The following UNC79 variants were observed in gnomAD, a reference collection of about 807,000 sequenced individuals.
UNC79 encodes unc-79 subunit of NALCN channel complex.
A neutral mutation model predicts 283.1 loss-of-function variants in UNC79; 37 were observed. The observed-to-expected ratio is 0.13, with a 90% CI of 0.10 to 0.17. The LOEUF is 0.17. UNC79 is among the 10% of genes least tolerant of loss of function. The pLI, the probability that UNC79 is intolerant of heterozygous loss-of-function variation, is 1.00. For missense variants in UNC79, 2,272 were observed against 3,211.1 expected (o/e 0.71, Z 7.07); for synonymous variants, 1,107 against 1,200.2 (o/e 0.92, Z 1.61).
chr14:93,488,064 C>T (rs1303813174), intron 5 of UNC79, among the ~76,000 whole-genome samples: 1 of 152,110 alleles, frequency 6.6e-6, no homozygotes, highest in Non-Finnish European at 1.5e-5. Context: ...CAAAAGATAA[C>T]CACTGTTAAT....
In UNC79 at chr14:93,401,997, G is replaced by T. The variant is rs555251827; in HGVS notation, c.-350-65674G>T. Among the ~76,000 whole-genome samples the T allele has an allele frequency of 2.6e-5, 4 of 152,222 alleles. No individual in the cohort carries two copies. In the East Asian group the frequency reaches 7.7e-4, roughly 29 times the overall value. ...TGTAATGGTAAGAAATACAGCATAG[G>T]CCGGGTATGGTGGCTCATGCCTGTA... On this transcript the variant is annotated intron_variant, in intron 1 of 49. Transcript: ENST00000256339.
rs79761385 is a variant in UNC79 at position 93,374,850 on chromosome 14, A to T, written c.-351+41327A>T. ...GTGTGAGCCACCATACTCGGCCTCCATTGTATCTTGAAAGTAGAAAAGTTG... is the reference window on the plus strand; with the variant it reads ...GTGTGAGCCACCATACTCGGCCTCCTTTGTATCTTGAAAGTAGAAAAGTTG... On this transcript the variant is annotated intron_variant, in intron 1 of 49. Transcript: ENST00000256339. Among the ~76,000 whole-genome samples the T allele has an allele frequency of 9.4e-3, 1,439 of 152,316 alleles. 14 individuals carry two copies. Among genetic ancestry groups the T allele is most frequent in the Non-Finnish European group, 0.015 (998 of 68,022 alleles).
intron 1 of UNC79, among the ~76,000 whole-genome samples, chr14:93,386,927 C>CTTTTTTTTTTTTTTTTTTTTTT (rs35267402): frequency 3.7e-5 from 1 of 27,192 alleles, no homozygotes; most frequent in East Asian, 1.3e-3. Flanking sequence ...TGTATTTCTG[C>CTTTTTTTTTTTTTTTTTTTTTT]TTTTTTTTTT....
chr14:93,659,992 G>A (rs1166143609), intron 39 of UNC79, among the ~76,000 whole-genome samples: 2 of 152,092 alleles, frequency 1.3e-5, no homozygotes, highest in Non-Finnish European at 2.9e-5. Flanking sequence ...GCTCTCTATA[G>A]TAGCACTTAC....
At chr14:93,422,029 TAATC>T (rs2055611701) in intron 1 of UNC79, among the ~76,000 whole-genome samples, 1 of 151,804 alleles carries the variant, frequency 6.6e-6, no homozygotes, top group Admixed American at 6.6e-5. Flanking sequence ...AGACAGGTCT[TAATC>T]AATTTAGGAA....
intron 1 of UNC79, among the ~76,000 whole-genome samples, chr14:93,334,079 C>G (rs961636498): frequency 2.6e-5 from 4 of 152,156 alleles, no homozygotes; most frequent in African/African-American, 9.7e-5. Context: ...TGTTGTTGTT[C>G]TGAAACCACC....
chr14:93,465,295 G>C (rs2140245096), intron 1 of UNC79, among the ~76,000 whole-genome samples: 1 of 152,094 alleles, frequency 6.6e-6, no homozygotes, highest in East Asian at 1.9e-4. Context: ...TGAGTGATAA[G>C]TGCTGTTACT....
At chr14:93,342,644 T>C (rs895909226) in intron 1 of UNC79, among the ~76,000 whole-genome samples, 7 of 152,248 alleles carry the variant, frequency 4.6e-5, no homozygotes, top group African/African-American at 1.7e-4. Context: ...GCTGCAAATT[T>C]TCCAAACTTT....
chr14:93,558,153 C>T (rs2062287692), intron 14 of UNC79, among the ~76,000 whole-genome samples: 1 of 152,212 alleles, frequency 6.6e-6, no homozygotes, highest in Non-Finnish European at 1.5e-5. Flanking sequence ...ACATTCTATT[C>T]TGTGGCAACC....
At position 93,622,515 on chromosome 14, in the gene UNC79, T is replaced by TG; in HGVS notation, c.5284dup (p.Asp1762GlyfsTer2). 6.2e-7 allele frequency: 1 copy of TG among 1,613,826 alleles called. No homozygotes were observed. The highest frequency in any genetic ancestry group is 8.5e-7 in the Non-Finnish European group (1 of 1,179,942). On this transcript the variant is annotated frameshift_variant, in exon 30 of 49. Transcript: ENST00000555664. LOFTEE classifies it high-confidence loss of function. ...TCGTTTGCTCTCCCCGAGATGTCGCTGGATGATCACCCTGACCCGGGCACT... is the reference window on the plus strand; with the variant it reads ...TCGTTTGCTCTCCCCGAGATGTCGCTGGGATGATCACCCTGACCCGGGCACT...
chr14:93,615,190 C>T (rs74336511), intron 27 of UNC79, among the ~76,000 whole-genome samples: 2,616 of 152,182 alleles, frequency 0.017, 72 homozygotes, highest in African/African-American at 0.06. Context: ...CAATGCCTGT[C>T]TCATGGTAGG....
At chr14:93,634,562 A>G (rs754919064) in intron 31 of UNC79, 6 of 1,614,138 alleles carry the variant, frequency 3.7e-6, no homozygotes, top group Non-Finnish European at 5.1e-6. Context: ...GGGAGTTCTG[A>G]CAATGAGCCA....
At chr14:93,637,509 T>G (rs1347513718) in intron 32 of UNC79, among the ~76,000 whole-genome samples, 5 of 152,188 alleles carry the variant, frequency 3.3e-5, no homozygotes, top group Non-Finnish European at 5.9e-5. Flanking sequence ...TTCTAACCCT[T>G]GCACACAAAA....
At chr14:93,597,499 G>A (rs1282237958) in exon 24 of UNC79, 1 of 1,613,788 alleles carries the variant, frequency 6.2e-7, no homozygotes, top group Non-Finnish European at 8.5e-7. Flanking sequence ...GGCTACCAGA[G>A]CTGGTCTCCT....
chr14:93,561,088 T>C (rs2062518707), intron 14 of UNC79, among the ~76,000 whole-genome samples: 1 of 152,142 alleles, frequency 6.6e-6, no homozygotes, highest in Non-Finnish European at 1.5e-5. Flanking sequence ...TTACTGCTAA[T>C]GTTTTTAAGT....
chr14:93,608,436 A>G (rs2066043209), intron 26 of UNC79, among the ~76,000 whole-genome samples: 1 of 152,200 alleles, frequency 6.6e-6, no homozygotes, highest in Non-Finnish European at 1.5e-5. Flanking sequence ...ACATAAACAC[A>G]TGATAATAGG....
At chr14:93,558,625 T>TACCC (rs2062347596) in intron 14 of UNC79, among the ~76,000 whole-genome samples, 1 of 96,722 alleles carries the variant, frequency 1.0e-5, no homozygotes, top group Non-Finnish European at 2.2e-5. Context: ...TTTTTTTTTT[T>TACCC]TTTTTTTTTT....
chr14:93,464,721 A>T, intron 1 of UNC79: 1 of 404,934 alleles, frequency 2.5e-6, no homozygotes, highest in Non-Finnish European at 4.9e-6. Context: ...GAGGTTGAAG[A>T]TCATTCATTT....
At chr14:93,656,714 T>C (rs944175285) in intron 38 of UNC79, among the ~76,000 whole-genome samples, 3 of 152,134 alleles carry the variant, frequency 2.0e-5, no homozygotes, top group Admixed American at 2.0e-4. Flanking sequence ...GGCATGTACC[T>C]TTTGTCCCAG....
Sources: allele counts gnomAD v4.1 joint callset (sites outside exome capture counted in the v4.1 genomes callset), GRCh38; gene constraint gnomAD v4.1.1; transcripts MANE v1.5; gene names NCBI Gene and HGNC (gene_info 2026-07-23, HGNC 2026-07-21).